IL18BP: variants seen among roughly 807,000 people sequenced by gnomAD.
IL18BP encodes the protein interleukin-18-binding protein.
IL18BP carries 23 observed loss-of-function variants against 19.9 expected under a neutral mutation model. The ratio of observed to expected loss-of-function variants is 1.15; its 90% confidence interval spans 0.83 to 1.64. IL18BP has a LOEUF of 1.64. Ranked by LOEUF, IL18BP falls within the 40% of genes most tolerant of loss-of-function variation. The pLI is 0.00. For synonymous variants in IL18BP, 107 were observed against 101.0 expected, an observed-to-expected ratio of 1.06 and a Z score of -0.35; for missense variants, 239 against 240.7, an observed-to-expected ratio of 0.99 and a Z score of 0.05.
At chr11:72,007,866 C>T (rs10736785), downstream of IL18BP, 7 of 346,056 alleles carry the variant, frequency 2.0e-5, no homozygotes, top group African/African-American at 1.3e-4. Flanking sequence ...CTGAACAGCT[C>T]CTAACCACAC....
At chr11:72,003,489 C>T (rs1294064500), downstream of IL18BP, 10 of 1,609,120 alleles carry the variant, frequency 6.2e-6, no homozygotes, top group South Asian at 7.7e-5. Flanking sequence ...AGGTCAGCAT[C>T]GGGGACACAG....
At position 72,000,346 on chromosome 11, in the gene IL18BP, C is replaced by A. The variant is rs1356213033; in HGVS notation, c.29-5C>A. 1.2e-6 allele frequency: 2 copies of A among 1,613,360 alleles called. No individual in the cohort carries two copies. The highest frequency in any genetic ancestry group is 1.7e-5 in the Admixed American group (1 of 60,034). ...GCCGCTGACCTGTAACTGTCCTTTC[C>A]TCAGACCTCAGCCCTTTGTGGGTCC... is the stretch of plus-strand genomic sequence containing the variant. On this transcript the variant is annotated splice_region_variant and splice_polypyrimidine_tract_variant and intron_variant, in intron 2 of 5. Coordinates refer to ENST00000393703, the MANE Select transcript of IL18BP (RefSeq NM_001039660.2).
chr11:72,003,275 T>G, downstream of IL18BP: 1 of 532,968 alleles, frequency 1.9e-6, no homozygotes, highest in East Asian at 3.0e-5. Context: ...TGACTTTGCT[T>G]TAAGAAAAAA....
downstream of IL18BP, chr11:72,005,109 A>C (rs547117794): frequency 1.9e-4 from 217 of 1,139,744 alleles, 1 homozygote; most frequent in Middle Eastern, 3.0e-4. Flanking sequence ...AAACATGAGA[A>C]GGTCACCCTC....
chr11:72,007,226 C>T (rs138756464), downstream of IL18BP: 27 of 1,612,344 alleles, frequency 1.7e-5, 1 homozygote, highest in African/African-American at 1.6e-4. Context: ...CGTGGTGCGC[C>T]GACGAGCGGA....
chr11:72,001,759 T>C, intron 5 of IL18BP, 25 bp from the exon 6 acceptor site: 1 of 1,614,094 alleles, frequency 6.2e-7, no homozygotes, highest in Non-Finnish European at 8.5e-7. Flanking sequence ...CTTGGCCTGA[T>C]CCTTGTCTGC....
rs777264901 is a variant in IL18BP at position 72,001,518 on chromosome 11, T to C, written c.473T>C (p.Val158Ala). 6.2e-6 allele frequency: 10 copies of C among 1,613,712 alleles called. No individual in the cohort carries two copies. The highest frequency in any genetic ancestry group is 5.1e-6 in the Non-Finnish European group (6 of 1,179,830). ...TGTGTGCTCGTGGACCCTGAACAGG[T>C]TGTCCAGCGTCACGTCGTCCTGGCC... ...FSCVLVDPEQ[V>A]VQRHVVLAQL... The change falls in exon 5 of 6, where the codon GTT becomes GCT. Residue 158 changes from valine to alanine, a missense_variant. By Grantham distance (64) the Val-to-Ala change is moderately conservative (BLOSUM62 0). Transcript: ENST00000393703.
chr11:72,005,649 G>C (rs764928061), downstream of IL18BP: 35 of 514,242 alleles, frequency 6.8e-5, no homozygotes, highest in Non-Finnish European at 1.1e-4. Context: ...AACACCCAGA[G>C]GAACAAATTA....
chr11:72,007,936 C>T (rs1955858664), downstream of IL18BP: 1 of 372,030 alleles, frequency 2.7e-6, no homozygotes, highest in African/African-American at 2.1e-5. Flanking sequence ...CTAGACTCAT[C>T]ATGGCACTGA....
downstream of IL18BP, chr11:72,004,680 C>T: frequency 1.2e-6 from 2 of 1,613,414 alleles, no homozygotes; most frequent in Non-Finnish European, 8.5e-7. Context: ...TAGGGAGACC[C>T]GTTTGCGCTG....
intron 1 of IL18BP, 58 bp from the exon 2 acceptor site, chr11:71,999,869 C>A: frequency 9.8e-7 from 1 of 1,025,188 alleles, no homozygotes; most frequent in Non-Finnish European, 1.5e-6. Context: ...TGAGGAAAAG[C>A]CAGCTACTGA....
chr11:71,999,355 G>A (rs563878213), intron 1 of IL18BP: 11 of 330,460 alleles, frequency 3.3e-5, no homozygotes, highest in African/African-American at 1.1e-4. Flanking sequence ...ACACTTGGGC[G>A]GGACAGAATT....
chr11:72,004,352 G>A (rs778809298), downstream of IL18BP: 3 of 1,608,472 alleles, frequency 1.9e-6, no homozygotes, highest in Admixed American at 1.7e-5. Context: ...CTATGGAGAA[G>A]AGGACAGTTA....
At chr11:72,003,972 G>C, downstream of IL18BP, 1 of 1,613,304 alleles carries the variant, frequency 6.2e-7, no homozygotes, top group Non-Finnish European at 8.5e-7. Context: ...AGAACGGCGG[G>C]TTCCACTGCG....
At chr11:72,004,143 C>A (rs763717889), downstream of IL18BP, 3 of 1,610,286 alleles carry the variant, frequency 1.9e-6, no homozygotes, top group Non-Finnish European at 2.5e-6. Context: ...ATGCTGCCTT[C>A]CCAGGCCAGC....
downstream of IL18BP, chr11:72,004,900 C>T (rs758893820): frequency 2.8e-5 from 37 of 1,319,580 alleles, 1 homozygote; most frequent in Middle Eastern, 4.7e-4. Context: ...ACTCTACACT[C>T]GCCCGACACT....
downstream of IL18BP, chr11:72,006,135 A>G: frequency 6.2e-7 from 1 of 1,614,138 alleles, no homozygotes; most frequent in Non-Finnish European, 8.5e-7. Flanking sequence ...AGTTGCCATA[A>G]TCGGGAGAAC....
Position 72,001,247 on chromosome 11 carries a change from C to T in IL18BP, c.282C>T (p.Asn94=). 6.2e-7 allele frequency: 1 copy of T among 1,614,250 alleles called. No homozygotes were observed. Among genetic ancestry groups the T allele is most frequent in the Non-Finnish European group, 8.5e-7 (1 of 1,180,038 alleles). Residue 94 remains asparagine (N), a synonymous_variant, in exon 4 of 6, where the codon AAC becomes AAT. Coordinates refer to ENST00000393703, the MANE Select transcript of IL18BP (RefSeq NM_001039660.2). ...LSCVACSRFP[N]FSILYWLGNG... ...GTGTGGCCTGCAGCCGCTTCCCCAA[C>T]TTCAGCATCCTCTACTGGCTGGGCA...
At chr11:72,003,490 G>A (rs535524721), downstream of IL18BP, 47 of 1,608,968 alleles carry the variant, frequency 2.9e-5, no homozygotes, top group East Asian at 3.3e-4. Flanking sequence ...GGTCAGCATC[G>A]GGGACACAGG....
Sources: gnomAD v4.1 joint callset for allele counts on GRCh38, gnomAD v4.1.1 for gene constraint, MANE v1.5 for transcripts, NCBI Gene and HGNC (gene_info 2026-07-23, HGNC 2026-07-21) for gene names.